Variants in LEPROT observed in about 807,000 individuals in gnomAD.
LEPROT encodes the protein leptin receptor gene-related protein.
Under a neutral mutation model 15.4 loss-of-function variants are expected in LEPROT, and 3 were observed. The observed-to-expected ratio is 0.19, with a 90% CI of 0.09 to 0.50. The LOEUF is 0.50. LEPROT is among the 20% of genes least tolerant of loss of function. LEPROT has a pLI of 0.97. For missense variants in LEPROT, 137 were observed against 162.2 expected (o/e 0.84, Z 0.84); for synonymous variants, 59 against 57.5 (o/e 1.03, Z -0.12).
chr1:65,422,694 G>A (rs149423317), intron 1 of LEPROT, among the ~76,000 whole-genome samples: 3 of 152,328 alleles, frequency 2.0e-5, no homozygotes, highest in Non-Finnish European at 2.9e-5. Flanking sequence ...GTGACATGGC[G>A]CAGGGCTTAT....
chr1:65,431,540 G>A (rs759479727), intron 3 of LEPROT, among the ~76,000 whole-genome samples: 1 of 152,102 alleles, frequency 6.6e-6, no homozygotes, highest in African/African-American at 2.4e-5. Flanking sequence ...TTTACTTAAG[G>A]CAATCATTGT....
rs1646495755 is a variant in LEPROT at position 65,432,241 on chromosome 1, G to T, written c.*322G>T. 2 of 1,013,130 alleles carry T rather than the reference G, an allele frequency of 2.0e-6. No homozygotes were observed. Among genetic ancestry groups the T allele is most frequent in the Non-Finnish European group, 2.4e-6 (2 of 847,666 alleles). 62.8% of individuals were successfully genotyped at this position (1,013,130 alleles called of 1,614,324 possible). On this transcript the variant is annotated 3_prime_UTR_variant, in exon 4 of 4. Coordinates refer to ENST00000371065, the MANE Select transcript of LEPROT (RefSeq NM_017526.5). ...AGTGCATCGAAACCTTTTGCTTGGG[G>T]ATGTGCTTGGAGAGGCAGATAACGC...
chr1:65,433,165 T>G lies in LEPROT; in HGVS notation c.*1246T>G. ...GCACTTCTCCCCAGCTCCTTCCCTCTGCCCCCCACCCCTACTCCTCAACAG... is the reference window on the plus strand; with the variant it reads ...GCACTTCTCCCCAGCTCCTTCCCTCGGCCCCCCACCCCTACTCCTCAACAG... On this transcript the variant is annotated 3_prime_UTR_variant, in exon 4 of 4. Transcript: ENST00000371065. 2.0e-6 allele frequency: 2 copies of G among 985,410 alleles called. No homozygotes were observed. Among genetic ancestry groups the G allele is most frequent in the African/African-American group, 3.5e-5 (2 of 57,338 alleles). 61.0% of individuals were successfully genotyped at this position (985,410 alleles called of 1,614,324 possible).
chr1:65,429,316 AGT>A (rs372884450), intron 2 of LEPROT, among the ~76,000 whole-genome samples: 1 of 152,178 alleles, frequency 6.6e-6, no homozygotes, highest in African/African-American at 2.4e-5. Context: ...TGAGCTCAAG[AGT>A]GTTCAAGGGA....
At chr1:65,423,103 G>A (rs368248219) in intron 1 of LEPROT, among the ~76,000 whole-genome samples, 15 of 152,156 alleles carry the variant, frequency 9.9e-5, no homozygotes, top group African/African-American at 3.6e-4. Flanking sequence ...ATAGTGGTTT[G>A]GTTTTACACG....
rs781068379 is a variant in LEPROT at position 65,434,844 on chromosome 1, A to T, written c.*2925A>T. ...CAGAGTCACCCACCCTTCTCCTCCC[A>T]TTAGTCAGTTCTCTAAGTACAGCTG... On this transcript the variant is annotated 3_prime_UTR_variant, in exon 4 of 4. Transcript: ENST00000371065. 1 of 985,236 alleles carries T rather than the reference A, an allele frequency of 1.0e-6. No individual in the cohort carries two copies. The highest frequency in any genetic ancestry group is 1.2e-6 in the Non-Finnish European group (1 of 829,944). 61.0% of individuals were successfully genotyped at this position (985,236 alleles called of 1,614,324 possible). A position where few individuals can be genotyped will look rare whatever the true frequency, so the allele number is the denominator to read the frequency against.
intron 2 of LEPROT, chr1:65,427,856 G>A (rs1021404805): frequency 6.7e-6 from 2 of 297,418 alleles, no homozygotes; most frequent in African/African-American, 4.5e-5. Flanking sequence ...GCTCAGGCTG[G>A]TCTTGAACTC....
At chr1:65,421,381 AAAC>A in intron 1 of LEPROT, 1 of 1,536,054 alleles carries the variant, frequency 6.5e-7, no homozygotes, top group East Asian at 2.4e-5. Flanking sequence ...CAGTTGGTAA[AAAC>A]ACCGCGTCCC....
chr1:65,426,631 G>A (rs149083666), intron 2 of LEPROT, among the ~76,000 whole-genome samples: 1,737 of 152,216 alleles, frequency 0.011, 18 homozygotes, highest in Non-Finnish European at 0.018. Context: ...TTTGTTCATC[G>A]ATGTCAGGAT....
chr1:65,426,076 A>G (rs916679445), intron 2 of LEPROT, among the ~76,000 whole-genome samples: 1 of 152,180 alleles, frequency 6.6e-6, no homozygotes, highest in African/African-American at 2.4e-5. Flanking sequence ...GGTACAAAAG[A>G]TGAAGAGCAC....
intron 1 of LEPROT, among the ~76,000 whole-genome samples, chr1:65,421,021 G>T (rs1171592486): frequency 6.6e-6 from 1 of 152,164 alleles, no homozygotes; most frequent in Non-Finnish European, 1.5e-5. Flanking sequence ...CGAGAGCGGC[G>T]CCCTCCACCT....
Position 65,434,468 on chromosome 1 carries a change from A to G in LEPROT, c.*2549A>G. On this transcript the variant is annotated 3_prime_UTR_variant, in exon 4 of 4. Coordinates refer to ENST00000371065, the MANE Select transcript of LEPROT (RefSeq NM_017526.5). ...TGTTTCAAACAAGTGGGTTACAAGCAGACTTTGAGACACTTTTCCACAGAA... is the reference window on the plus strand; with the variant it reads ...TGTTTCAAACAAGTGGGTTACAAGCGGACTTTGAGACACTTTTCCACAGAA... 1 of 985,434 alleles carries G rather than the reference A, an allele frequency of 1.0e-6. No individual in the cohort carries two copies. Among genetic ancestry groups the G allele is most frequent in the Non-Finnish European group, 1.2e-6 (1 of 829,916 alleles). 61.0% of individuals were successfully genotyped at this position (985,434 alleles called of 1,614,324 possible).
chr1:65,432,499 C>T lies in LEPROT; in HGVS notation c.*580C>T. On this transcript the variant is annotated 3_prime_UTR_variant, in exon 4 of 4. Transcript: ENST00000371065. ...TCATCATAGAGAAGTAAACATCACA[C>T]CCAACTTCCTTATCTTTCCAGTGGC... The T allele has an allele frequency of 2.4e-5, 15 of 625,784 alleles. No homozygotes were observed. The highest frequency in any genetic ancestry group is 3.0e-5 in the Non-Finnish European group (15 of 501,672). 38.8% of individuals were successfully genotyped at this position (625,784 alleles called of 1,614,324 possible).
chr1:65,421,859 T>G (rs1031920914), intron 1 of LEPROT, among the ~76,000 whole-genome samples: 7 of 152,156 alleles, frequency 4.6e-5, no homozygotes, highest in African/African-American at 1.7e-4. Context: ...AAAATTGTGA[T>G]GTAGTGAAAA....
intron 1 of LEPROT, among the ~76,000 whole-genome samples, chr1:65,423,835 A>G (rs1047510367): frequency 1.8e-4 from 28 of 152,296 alleles, no homozygotes; most frequent in African/African-American, 6.0e-4. Flanking sequence ...GAAAATTTGG[A>G]TAAGATAGTC....
rs567510523 is a variant in LEPROT, at chr1:65,427,320, T to C, written c.92+1942T>C. On this transcript the variant is annotated intron_variant, in intron 2 of 3. Transcript: ENST00000371065. ...CGGCCGTGGTGGCTCATGCCTATAA[T>C]CCCAGCACTTTGGGAGGCAACGGTA... 6.6e-5 allele frequency among the ~76,000 whole-genome samples: 10 copies of C among 152,264 alleles called. No homozygotes were observed. In the South Asian group the frequency reaches 1.9e-3, roughly 28 times the overall value.
intron 1 of LEPROT, among the ~76,000 whole-genome samples, chr1:65,423,997 A>T (rs1646306607): frequency 1.3e-5 from 2 of 152,210 alleles, no homozygotes; most frequent in Admixed American, 6.5e-5. Context: ...AGGTGGCACC[A>T]TTATTTCCAT....
intron 2 of LEPROT, among the ~76,000 whole-genome samples, chr1:65,426,092 CTGGGAAG>C (rs1646358023): frequency 7.4e-6 from 1 of 136,006 alleles, no homozygotes; most frequent in Admixed American, 7.0e-5. Flanking sequence ...AGCACAGAAG[CTGGGAAG>C]ACAGTGGTCA....
chr1:65,433,124 T>A lies in LEPROT; in HGVS notation c.*1205T>A. On this transcript the variant is annotated 3_prime_UTR_variant, in exon 4 of 4. Transcript: ENST00000371065. Reference sequence around the variant, plus strand: ...AGAACAGATAGGTAACTCTTTTACATTTCCTTTATGATCTGGCACTTCTCC... The same window carrying A: ...AGAACAGATAGGTAACTCTTTTACAATTCCTTTATGATCTGGCACTTCTCC... The A allele has an allele frequency of 1.0e-6, 1 of 985,398 alleles. No homozygotes were observed. Among genetic ancestry groups the A allele is most frequent in the Non-Finnish European group, 1.2e-6 (1 of 829,942 alleles). The allele number at this position is 985,398 out of a possible 1,614,324, so 61.0% of individuals were successfully genotyped here.
Sources: allele counts gnomAD v4.1 joint callset (sites outside exome capture counted in the v4.1 genomes callset), GRCh38; gene constraint gnomAD v4.1.1; transcripts MANE v1.5; gene names NCBI Gene and HGNC (gene_info 2026-07-23, HGNC 2026-07-21).